The following PPP2R2B variants were observed in gnomAD, a reference collection of about 807,000 sequenced individuals.
PPP2R2B encodes protein phosphatase 2 regulatory subunit Bbeta.
In PPP2R2B, 5 loss-of-function variants were observed where a neutral mutation model predicts 46.0. That is an observed-to-expected ratio of 0.11 (90% CI 0.06 to 0.23). PPP2R2B has a LOEUF of 0.23. Ranked by LOEUF, PPP2R2B falls within the 10% of genes least tolerant of loss-of-function variation. The pLI is 1.00. For missense variants in PPP2R2B, 367 were observed against 575.0 expected (o/e 0.64, Z 3.70); for synonymous variants, 215 against 206.7 (o/e 1.04, Z -0.34).
rs1327716925 is a variant in PPP2R2B at position 147,069,785 on chromosome 5, G to T, written c.50+11274C>A. Among the ~76,000 whole-genome samples, 506 of 64,686 alleles carry T rather than the reference G, an allele frequency of 7.8e-3. 3 individuals are homozygous for T. The highest frequency in any genetic ancestry group is 0.01 in the African/African-American group (139 of 13,246). 42.4% of individuals were successfully genotyped at this position (64,686 alleles called of 152,430 possible). On this transcript the variant is annotated intron_variant, in intron 2 of 10. Transcript: ENST00000394413. ...CTCCCACATGAACACATTTTATACTGTTTTTTTTTTTTTTTTTTTTTTTGA... is the reference window on the plus strand; with the variant it reads ...CTCCCACATGAACACATTTTATACTTTTTTTTTTTTTTTTTTTTTTTTTGA...
intron 6 of PPP2R2B, among the ~76,000 whole-genome samples, chr5:146,648,835 A>G (rs1775751290): frequency 6.6e-6 from 1 of 152,220 alleles, no homozygotes; most frequent in South Asian, 2.1e-4. Context: ...GGAACAGAAA[A>G]GTGATTAGTT....
chr5:146,924,469 G>A lies in PPP2R2B; in HGVS notation c.79+131196C>T, dbSNP rs77696842. Reference sequence around the variant, plus strand: ...GAAGGATGGGCCCTTCCCAAGTACTGGAGATTTTAAGTACAAGGATAAGAA... The same window carrying A: ...GAAGGATGGGCCCTTCCCAAGTACTAGAGATTTTAAGTACAAGGATAAGAA... On this transcript the variant is annotated intron_variant, in intron 1 of 8. Transcript: ENST00000336640. 5.6e-3 allele frequency among the ~76,000 whole-genome samples: 848 copies of A among 152,154 alleles called. 29 individuals carry two copies. In the East Asian group the frequency reaches 0.066, roughly 12 times the overall value.
chr5:146,762,343 C>T (rs1321067022), intron 2 of PPP2R2B, among the ~76,000 whole-genome samples: 1 of 152,114 alleles, frequency 6.6e-6, no homozygotes, highest in Non-Finnish European at 1.5e-5. Context: ...CATCAGTTTC[C>T]CCATCTATTA....
chr5:146,888,176 C>T (rs1251480599), intron 1 of PPP2R2B, among the ~76,000 whole-genome samples: 2 of 152,186 alleles, frequency 1.3e-5, no homozygotes, highest in East Asian at 3.9e-4. Flanking sequence ...CACAGCTCAC[C>T]ACTCACATAA....
At chr5:146,599,951 G>C (rs948560332) in intron 8 of PPP2R2B, among the ~76,000 whole-genome samples, 6 of 152,106 alleles carry the variant, frequency 3.9e-5, no homozygotes, top group African/African-American at 1.4e-4. Flanking sequence ...TTCTCACCTG[G>C]CTGGACCATC....
intron 2 of PPP2R2B, among the ~76,000 whole-genome samples, chr5:147,070,709 C>CT (rs1276861861): frequency 2.2e-4 from 33 of 152,160 alleles, no homozygotes; most frequent in African/African-American, 3.6e-4. Context: ...CCTTATCTGT[C>CT]TTTTTTTTCC....
Position 147,054,118 on chromosome 5 carries a change from A to G in PPP2R2B, c.79+1547T>C, listed in dbSNP as rs945673377. Among the ~76,000 whole-genome samples the G allele has an allele frequency of 2.0e-5, 3 of 152,226 alleles. 1 individual carries two copies. The East Asian group carries it at 5.8e-4, about 29-fold the overall frequency. ...AATCAGTGAAATTTAATTTTCACAA[A>G]CAACTTTAAAAGTTCTTGTTGTAGC... On this transcript the variant is annotated intron_variant, in intron 1 of 8. Transcript: ENST00000336640.
chr5:146,965,768 ATTC>A (rs1752372912), intron 1 of PPP2R2B, among the ~76,000 whole-genome samples: 1 of 152,214 alleles, frequency 6.6e-6, no homozygotes, highest in South Asian at 2.1e-4. Flanking sequence ...CTTGATAATA[ATTC>A]TTCTTAAAAT....
chr5:146,812,813 A>ATG (rs1561927712), intron 2 of PPP2R2B, among the ~76,000 whole-genome samples: 23 of 67,708 alleles, frequency 3.4e-4, no homozygotes, highest in Non-Finnish European at 5.7e-4. Flanking sequence ...ATATATATAT[A>ATG]TATATATATA....
intron 5 of PPP2R2B, chr5:146,656,270 G>C (rs968552953): frequency 2.0e-5 from 3 of 152,498 alleles, no homozygotes; most frequent in Non-Finnish European, 2.9e-5. Flanking sequence ...TGAAGTGAGA[G>C]GGGGAGCCAT....
At chr5:146,719,810 TA>T (rs1311103106) in intron 2 of PPP2R2B, among the ~76,000 whole-genome samples, 1 of 151,868 alleles carries the variant, frequency 6.6e-6, no homozygotes, top group Non-Finnish European at 1.5e-5. Context: ...TTCTATCATC[TA>T]AAAAGTATAA....
At chr5:146,997,466 T>C (rs1024231936) in intron 1 of PPP2R2B, among the ~76,000 whole-genome samples, 10 of 152,128 alleles carry the variant, frequency 6.6e-5, no homozygotes, top group African/African-American at 2.4e-4. Flanking sequence ...GGACATGGCC[T>C]TTCAGCTGTG....
At chr5:146,684,196 A>G (rs1027163963) in intron 5 of PPP2R2B, among the ~76,000 whole-genome samples, 1 of 152,192 alleles carries the variant, frequency 6.6e-6, no homozygotes, top group African/African-American at 2.4e-5. Context: ...AAGCCCCCAG[A>G]GCAGCAATAA....
At chr5:146,734,245 T>C (rs907434824) in intron 2 of PPP2R2B, among the ~76,000 whole-genome samples, 1 of 151,904 alleles carries the variant, frequency 6.6e-6, no homozygotes, top group African/African-American at 2.4e-5. Context: ...TTTGTAGAGA[T>C]GGGGCCTCCC....
At chr5:146,703,701 C>A (rs193272796) in intron 2 of PPP2R2B, among the ~76,000 whole-genome samples, 1 of 152,242 alleles carries the variant, frequency 6.6e-6, no homozygotes, top group Admixed American at 6.5e-5. Context: ...CTTTAAGACC[C>A]ATGCAAGTCA....
In PPP2R2B at chr5:146,935,303, C is replaced by G. The variant is rs190665910; in HGVS notation, c.79+120362G>C. Among the ~76,000 whole-genome samples the G allele has an allele frequency of 1.2e-3, 177 of 152,286 alleles. 1 individual carries two copies. Among genetic ancestry groups the G allele is most frequent in the African/African-American group, 3.7e-3 (154 of 41,578 alleles). ...GTGAGGTACAGCTAGAAGGCACTGTCTATGAGCCAGAACACAGGCCCTCAC... is the reference window on the plus strand; with the variant it reads ...GTGAGGTACAGCTAGAAGGCACTGTGTATGAGCCAGAACACAGGCCCTCAC... On this transcript the variant is annotated intron_variant, in intron 1 of 8. Transcript: ENST00000336640.
intron 2 of PPP2R2B, among the ~76,000 whole-genome samples, chr5:146,712,679 C>A (rs1464875863): frequency 1.3e-5 from 2 of 152,132 alleles, no homozygotes; most frequent in Non-Finnish European, 2.9e-5. Flanking sequence ...TTGGCTGATC[C>A]GGATGGCTAG....
At chr5:147,026,024 G>T (rs560716254) in intron 1 of PPP2R2B, among the ~76,000 whole-genome samples, 8 of 152,178 alleles carry the variant, frequency 5.3e-5, no homozygotes, top group African/African-American at 1.9e-4. Flanking sequence ...TTCATACATT[G>T]CTGGTGAGAA....
rs541747132 is a variant in PPP2R2B at position 146,822,892 on chromosome 5, A to G, written c.70+55110T>C. Among the ~76,000 whole-genome samples, 7 of 152,332 alleles carry G rather than the reference A, an allele frequency of 4.6e-5. No individual in the cohort carries two copies. The East Asian group carries it at 1.3e-3, about 29-fold the overall frequency. The stretch of plus-strand genomic sequence containing the variant: ...TCATCTAGATTTATATAACCTCCTT[A>G]AAACTAAAAGCAATGCAGTCCCCAA... On this transcript the variant is annotated intron_variant, in intron 2 of 9. Transcript: ENST00000394411.
Sources: allele counts gnomAD v4.1 joint callset (sites outside exome capture counted in the v4.1 genomes callset), GRCh38; gene constraint gnomAD v4.1.1; transcripts MANE v1.5; gene names NCBI Gene and HGNC (gene_info 2026-07-23, HGNC 2026-07-21).